ODF2: variants seen among roughly 807,000 people sequenced by gnomAD.
ODF2 encodes the protein outer dense fiber of sperm tails 2.
A neutral mutation model predicts 110.2 loss-of-function variants in ODF2; 47 were observed. The ratio of observed to expected loss-of-function variants is 0.43; its 90% CI spans 0.34 to 0.54. The LOEUF (loss-of-function observed/expected upper bound fraction) is 0.54, where lower values mean the gene tolerates loss of function less well. Ranked by LOEUF, ODF2 falls within the 20% of genes least tolerant of loss-of-function variation. The pLI is 0.03. For missense variants in ODF2, 812 were observed against 1,054.5 expected (o/e 0.77, Z 3.19); for synonymous variants, 352 against 397.7 (o/e 0.89, Z 1.37).
intron 8 of ODF2, among the ~76,000 whole-genome samples, 198 bp from the exon 9 acceptor site, chr9:128,481,382 T>C (rs545052204): frequency 6.6e-6 from 1 of 151,380 alleles, no homozygotes; most frequent in South Asian, 2.1e-4. Context: ...GAGGCTGAGA[T>C]GGGAGGATGG....
intron 16 of ODF2, among the ~76,000 whole-genome samples, chr9:128,493,091 A>C (rs1195915270): frequency 6.6e-6 from 1 of 151,590 alleles, no homozygotes. Context: ...ACAACAACAA[A>C]AAAACTCTCC....
intron 8 of ODF2, among the ~76,000 whole-genome samples, chr9:128,475,702 G>A (rs146810569): frequency 8.6e-5 from 13 of 151,870 alleles, no homozygotes; most frequent in Admixed American, 3.9e-4. Context: ...TTGGAGTACA[G>A]TGGCGCGATC....
chr9:128,460,247 A>C, intron 3 of ODF2: 1 of 1,337,412 alleles, frequency 7.5e-7, no homozygotes. Flanking sequence ...GGTTTAGAGG[A>C]GATCCAGCCC....
At position 128,494,636 on chromosome 9, in the gene ODF2, C is replaced by A; in HGVS notation, c.1879C>A (p.Leu627Ile). Residue 627 changes from leucine (L) to isoleucine (I), a missense_variant, in exon 17 of 21, where the codon CTC becomes ATC. Physicochemically the swap from Leu to Ile is conservative, Grantham distance 5 (BLOSUM62 2). Coordinates refer to ENST00000604420, the Ensembl canonical transcript of ODF2. This position sits in a 1 kb window ranked among gnomAD's most constrained non-coding sequence, Gnocchi z 4.6. ...GGGCTATGAGCGGAAGAACATCGAC[C>A]TCACAGCCATCATATCAGACCTGCG... 6.2e-7 allele frequency: 1 copy of A among 1,614,162 alleles called. No homozygotes were observed. Among genetic ancestry groups the A allele is most frequent in the Non-Finnish European group, 8.5e-7 (1 of 1,180,026 alleles).
chr9:128,485,059 T>A lies in ODF2; in HGVS notation c.1290+173T>A. On this transcript the variant is annotated intron_variant, in intron 12 of 20. Coordinates refer to ENST00000604420, the Ensembl canonical transcript of ODF2. This position sits in a 1 kb window ranked among gnomAD's most constrained non-coding sequence, Gnocchi z 5.0. ...GAGGGAGTTAAGGGGATCAAATGGG[T>A]AAAAGCTGGAGGGATGGGTGGCTGG... The A allele has an allele frequency of 2.8e-6, 2 of 712,186 alleles. No homozygotes were observed. Among genetic ancestry groups the A allele is most frequent in the Non-Finnish European group, 4.7e-6 (2 of 422,536 alleles). 44.1% of individuals were successfully genotyped at this position (712,186 alleles called of 1,614,324 possible).
upstream of ODF2, chr9:128,456,095 G>C: frequency 6.5e-7 from 1 of 1,543,874 alleles, no homozygotes; most frequent in Non-Finnish European, 8.7e-7. Flanking sequence ...CTGGCCAATG[G>C]GCGAGCTGCC....
At chr9:128,476,879 T>A (rs967209649) in intron 8 of ODF2, among the ~76,000 whole-genome samples, 3 of 151,148 alleles carry the variant, frequency 2.0e-5, no homozygotes, top group Non-Finnish European at 4.4e-5. Flanking sequence ...ACTCAGGCAA[T>A]CTGCCCACCT....
chr9:128,488,602 A>G (rs1470152788), intron 14 of ODF2, among the ~76,000 whole-genome samples: 1 of 152,202 alleles, frequency 6.6e-6, no homozygotes, highest in Non-Finnish European at 1.5e-5. Context: ...CATGAGATAG[A>G]ACTCATTTGA....
chr9:128,471,592 C>T, intron 6 of ODF2, 124 bp downstream of exon 6: 1 of 784,294 alleles, frequency 1.3e-6, no homozygotes, highest in South Asian at 1.8e-5. Flanking sequence ...GCCCTGGAGC[C>T]TGTTCAACAG....
At chr9:128,498,860 G>A in intron 19 of ODF2, 141 bp from the exon 20 acceptor site, 2 of 1,171,440 alleles carry the variant, frequency 1.7e-6, no homozygotes, top group Non-Finnish European at 2.4e-6. Context: ...GTTAGTTCCT[G>A]CCCCAGCGTT....
At position 128,494,984 on chromosome 9, in the gene ODF2, A is replaced by G; in HGVS notation, c.1911+316A>G. 1.6e-6 allele frequency: 1 copy of G among 630,492 alleles called. No homozygotes were observed. The allele number at this position is 630,492 out of a possible 1,614,324, so 39.1% of individuals were successfully genotyped here. On this transcript the variant is annotated intron_variant, in intron 17 of 20. Transcript: ENST00000604420. The surrounding 1 kb of genome is among the most constrained non-coding windows in gnomAD (Gnocchi z 4.6). The stretch of plus-strand genomic sequence containing the variant: ...CCTCAGCTCCACACCCACAGCTGGG[A>G]GATGCCAGCAGACACCGAGCCGTAG...
Position 128,473,485 on chromosome 9 carries a change from T to A in ODF2, c.712-125T>A. On this transcript the variant is annotated intron_variant, in intron 7 of 20. Coordinates refer to ENST00000604420, the Ensembl canonical transcript of ODF2. ...TCCAGGAAACCTGCCCTTGATCACC[T>A]TGGCACTGTACACAGCCTGGTTCTC... The A allele has an allele frequency of 4.1e-6, 6 of 1,466,440 alleles. No homozygotes were observed. The South Asian group carries it at 7.9e-5, about 19-fold the overall frequency. The allele number at this position is 1,466,440 out of a possible 1,614,324, so 90.8% of individuals were successfully genotyped here. A position where few individuals can be genotyped will look rare whatever the true frequency, so the allele number is the denominator to read the frequency against.
intron 16 of ODF2, among the ~76,000 whole-genome samples, chr9:128,493,024 C>CTT (rs781644769): frequency 7.1e-6 from 1 of 141,496 alleles, no homozygotes; most frequent in African/African-American, 2.6e-5. Context: ...GCTGCTTTGT[C>CTT]TTTTTTTTTT....
chr9:128,488,894 C>T (rs1183708388), intron 14 of ODF2, among the ~76,000 whole-genome samples: 2 of 152,124 alleles, frequency 1.3e-5, no homozygotes, highest in African/African-American at 4.8e-5. Flanking sequence ...GTAATCCCAG[C>T]TACTCAGGAG....
chr9:128,491,432 C>T (rs886337822), intron 14 of ODF2, among the ~76,000 whole-genome samples: 2 of 151,544 alleles, frequency 1.3e-5, no homozygotes, highest in Admixed American at 1.3e-4. Context: ...CCGAGGTGGG[C>T]GGATCACTTG....
chr9:128,487,217 G>C (rs2132096898), intron 13 of ODF2, among the ~76,000 whole-genome samples: 1 of 152,262 alleles, frequency 6.6e-6, no homozygotes, highest in Non-Finnish European at 1.5e-5. Context: ...AAAGCACTGG[G>C]ATTACAGGTG....
intron 6 of ODF2, 150 bp from the exon 7 acceptor site, chr9:128,472,763 A>T: frequency 8.2e-7 from 1 of 1,219,260 alleles, no homozygotes; most frequent in Admixed American, 2.5e-5. Flanking sequence ...TCCTTTCTGA[A>T]GGCCACCCAG....
intron 3 of ODF2, 63 bp downstream of exon 3, chr9:128,460,729 C>A: frequency 6.3e-7 from 1 of 1,591,052 alleles, no homozygotes; most frequent in Non-Finnish European, 8.6e-7. Flanking sequence ...CTAAGCCCAG[C>A]CTCCTCGCAC....
Position 128,463,624 on chromosome 9 carries a change from G to A in ODF2, c.249+2557G>A, listed in dbSNP as rs539898030. Among the ~76,000 whole-genome samples, 4 of 152,270 alleles carry A rather than the reference G, an allele frequency of 2.6e-5. 1 individual carries two copies. In the East Asian group the frequency reaches 7.7e-4, roughly 29 times the overall value. On this transcript the variant is annotated intron_variant, in intron 4 of 20. Coordinates refer to ENST00000604420, the Ensembl canonical transcript of ODF2. ...AAGATTGAGACAGATATTTATGCAT[G>A]ATAATGAAGCATGGAGATGCACAAC...
Sources: allele counts gnomAD v4.1 joint callset (sites outside exome capture counted in the v4.1 genomes callset), GRCh38; gene constraint gnomAD v4.1.1; non-coding constraint Gnocchi (gnomAD v3.1); transcripts MANE v1.5; gene names NCBI Gene and HGNC (gene_info 2026-07-23, HGNC 2026-07-21).